The following RIMS2 variants were observed in gnomAD, a reference collection of about 807,000 sequenced individuals.
RIMS2 encodes regulating synaptic membrane exocytosis protein 2.
A neutral mutation model predicts 174.4 loss-of-function variants in RIMS2; 59 were observed. That is an observed-to-expected ratio of 0.34 (90% CI 0.27 to 0.42). The LOEUF (loss-of-function observed/expected upper bound fraction) is 0.42. Ranked by LOEUF, RIMS2 falls within the 10% of genes least tolerant of loss-of-function variation. RIMS2 has a pLI of 1.00. For missense variants in RIMS2, 1,620 were observed against 1,666.3 expected (o/e 0.97, Z 0.48); for synonymous variants, 606 against 572.5 (o/e 1.06, Z -0.84).
chr8:104,049,456 C>G (rs1196608859), intron 19 of RIMS2, among the ~76,000 whole-genome samples: 2 of 151,916 alleles, frequency 1.3e-5, no homozygotes, highest in African/African-American at 4.8e-5. Context: ...ACAAAAAAAC[C>G]CGAAGCCATG....
chr8:103,915,100 A>G (rs941845172), intron 6 of RIMS2, among the ~76,000 whole-genome samples: 7 of 152,110 alleles, frequency 4.6e-5, no homozygotes, highest in African/African-American at 1.7e-4. Context: ...TCCTAATTAT[A>G]GTAAAAGAAA....
chr8:103,532,638 A>G (rs78299643), intron 1 of RIMS2, among the ~76,000 whole-genome samples: 2,736 of 152,362 alleles, frequency 0.018, 32 homozygotes, highest in Non-Finnish European at 0.029. Context: ...CACTGGCAGA[A>G]TTGAGTTGTT....
At chr8:103,767,325 C>T (rs1489300121) in intron 3 of RIMS2, among the ~76,000 whole-genome samples, 2 of 151,792 alleles carry the variant, frequency 1.3e-5, no homozygotes, top group East Asian at 3.9e-4. Context: ...GTAGCTGGGA[C>T]TACAAGTGTG....
At chr8:103,994,524 T>G (rs912239172) in intron 17 of RIMS2, among the ~76,000 whole-genome samples, 1 of 152,206 alleles carries the variant, frequency 6.6e-6, no homozygotes, top group Non-Finnish European at 1.5e-5. Flanking sequence ...CTATGCATAC[T>G]TATTGCTCAA....
chr8:103,971,763 G>A (rs2092905336), intron 15 of RIMS2, among the ~76,000 whole-genome samples: 1 of 151,930 alleles, frequency 6.6e-6, no homozygotes, highest in Admixed American at 6.6e-5. Flanking sequence ...GTAGAGATGG[G>A]GTTTCACCAT....
intron 1 of RIMS2, among the ~76,000 whole-genome samples, chr8:103,693,474 C>T (rs1208110412): frequency 1.3e-5 from 2 of 152,154 alleles, no homozygotes; most frequent in Non-Finnish European, 2.9e-5. Context: ...TATTCTTCCT[C>T]GCTGGAAATG....
upstream of RIMS2, chr8:103,500,617 C>G (rs1339326691): frequency 1.1e-5 from 4 of 374,126 alleles, no homozygotes; most frequent in Non-Finnish European, 4.8e-6. Context: ...TCCAGTTCCC[C>G]TTTCCCTTGA....
intron 3 of RIMS2, among the ~76,000 whole-genome samples, chr8:103,864,719 T>C (rs1269820272): frequency 6.6e-6 from 1 of 152,180 alleles, no homozygotes; most frequent in Non-Finnish European, 1.5e-5. Flanking sequence ...CTTAAGAAAA[T>C]TAATTTCTTA....
intron 3 of RIMS2, among the ~76,000 whole-genome samples, chr8:103,869,214 A>G (rs2099098411): frequency 1.3e-5 from 2 of 148,468 alleles, no homozygotes; most frequent in Admixed American, 6.7e-5. Context: ...TTTTTTTTTA[A>G]GACGGAATTT....
intron 1 of RIMS2, among the ~76,000 whole-genome samples, chr8:103,595,628 C>T (rs975917678): frequency 6.6e-6 from 1 of 151,860 alleles, no homozygotes. Context: ...TTAGACATGG[C>T]AAACTTCAAA....
At chr8:103,729,068 G>C (rs975329520) in intron 2 of RIMS2, among the ~76,000 whole-genome samples, 1 of 151,860 alleles carries the variant, frequency 6.6e-6, no homozygotes, top group African/African-American at 2.4e-5. Context: ...TCTGATTTTG[G>C]TATCAGGGTC....
intron 19 of RIMS2, among the ~76,000 whole-genome samples, chr8:104,133,364 T>C (rs1259100582): frequency 1.3e-5 from 2 of 152,162 alleles, no homozygotes; most frequent in African/African-American, 2.4e-5. Flanking sequence ...AGTGGGATCC[T>C]GAGGTCCTGT....
intron 1 of RIMS2, among the ~76,000 whole-genome samples, chr8:103,551,772 T>A (rs1393852387): frequency 6.6e-6 from 1 of 152,146 alleles, no homozygotes; most frequent in Non-Finnish European, 1.5e-5. Context: ...CAAAAATCAA[T>A]GTGCAAAAAT....
At chr8:104,100,901 T>C (rs1231719279) in intron 19 of RIMS2, among the ~76,000 whole-genome samples, 2 of 140,764 alleles carry the variant, frequency 1.4e-5, no homozygotes, top group East Asian at 3.9e-4. Flanking sequence ...GTATATGTTA[T>C]ATATTATATG....
intron 19 of RIMS2, among the ~76,000 whole-genome samples, chr8:104,134,135 T>C (rs1424262216): frequency 6.6e-6 from 1 of 152,114 alleles, no homozygotes; most frequent in African/African-American, 2.4e-5. Context: ...TTTTAAAAAG[T>C]AAATGTTATT....
intron 3 of RIMS2, among the ~76,000 whole-genome samples, chr8:103,834,683 T>TTC (rs2098848827): frequency 1.7e-4 from 6 of 35,716 alleles, no homozygotes; most frequent in Admixed American, 8.8e-4. Context: ...TCTTTTTCTT[T>TTC]CTTTCTTTCT....
intron 1 of RIMS2, among the ~76,000 whole-genome samples, chr8:103,685,768 T>C (rs1199278826): frequency 6.6e-6 from 1 of 152,196 alleles, no homozygotes; most frequent in Middle Eastern, 3.2e-3. Context: ...CTTTGAGTCT[T>C]TCAGCTTTCT....
Position 104,230,660 on chromosome 8 carries a change from G to GAAATA in RIMS2, c.3335-14239_3335-14235dup, listed in dbSNP as rs369415877. ...GACTCTGTCTCAAAAAAATAAAAAT[G>GAAATA]AAATAAAATAAAATAAAATAATTGG... On this transcript the variant is annotated intron_variant, in intron 19 of 23. Coordinates refer to ENST00000504942, the Ensembl canonical transcript of RIMS2. 9.8e-3 allele frequency among the ~76,000 whole-genome samples: 1,494 copies of GAAATA among 152,086 alleles called. 21 individuals carry two copies. The highest frequency in any genetic ancestry group is 0.032 in the African/African-American group (1,342 of 41,470).
intron 3 of RIMS2, among the ~76,000 whole-genome samples, chr8:103,878,152 C>G (rs919136982): frequency 2.6e-5 from 4 of 151,834 alleles, no homozygotes; most frequent in Non-Finnish European, 5.9e-5. Flanking sequence ...CACACTCACT[C>G]TTGCATGCTG....
Sources: allele counts gnomAD v4.1 joint callset (sites outside exome capture counted in the v4.1 genomes callset), GRCh38; gene constraint gnomAD v4.1.1; transcripts MANE v1.5; gene names NCBI Gene and HGNC (gene_info 2026-07-23, HGNC 2026-07-21).